SEC23IP: variants seen among roughly 807,000 people sequenced by gnomAD.
SEC23IP encodes the protein SEC23 interacting protein.
Under a neutral mutation model 113.4 loss-of-function variants are expected in SEC23IP, and 70 were observed. That is an observed-to-expected ratio of 0.62 (90% CI 0.51 to 0.75). The LOEUF is 0.75. SEC23IP is among the 30% of genes least tolerant of loss of function. The pLI is 0.00. For synonymous variants in SEC23IP, 398 were observed against 421.0 expected, an observed-to-expected ratio of 0.95 and a Z score of 0.67; for missense variants, 1,160 against 1,204.9, an observed-to-expected ratio of 0.96 and a Z score of 0.55.
intron 2 of SEC23IP, among the ~76,000 whole-genome samples, chr10:119,901,852 A>C (rs61870592): frequency 0.11 from 16,315 of 151,894 alleles, 927 homozygotes; most frequent in South Asian, 0.17. Flanking sequence ...ACGCCCAGCT[A>C]ATTTTTGTAT....
At chr10:119,933,837 A>C in intron 18 of SEC23IP, 50 bp downstream of exon 18, 2 of 959,332 alleles carry the variant, frequency 2.1e-6, no homozygotes, top group Non-Finnish European at 3.3e-6. Flanking sequence ...TGCATTCTCA[A>C]ATCTGTTGTA....
In SEC23IP at chr10:119,894,889, AGTCT is replaced by A. The variant is rs1180303290; in HGVS notation, c.163+1947_163+1950del. 1.4e-4 allele frequency among the ~76,000 whole-genome samples: 18 copies of A among 126,148 alleles called. No individual in the cohort carries two copies. The South Asian group carries it at 4.6e-3, about 32-fold the overall frequency. 82.8% of individuals were successfully genotyped at this position (126,148 alleles called of 152,430 possible). On this transcript the variant is annotated intron_variant, in intron 1 of 18. Transcript: ENST00000369075. ...TTTAATGCTTTTGTTTCTTGGAGACAGTCTGTGTGTGTGTGTGTGTGTGTGTGTG... is the reference window on the plus strand; with the variant it reads ...TTTAATGCTTTTGTTTCTTGGAGACAGTGTGTGTGTGTGTGTGTGTGTGTG...
At position 119,904,144 on chromosome 10, in the gene SEC23IP, T is replaced by C; in HGVS notation, c.968T>C (p.Leu323Pro). ...GATGGAGGGCGCTACGATGTTTACCTCTATGACCGAATAAGGAAGGCTGCC... is the reference window on the plus strand; with the variant it reads ...GATGGAGGGCGCTACGATGTTTACCCCTATGACCGAATAAGGAAGGCTGCC... ...GTDGGRYDVY[L>P]YDRIRKAAYW... Residue 323 changes from leucine to proline, a missense_variant, in exon 4 of 19, where the codon CTC becomes CCC. Transcript: ENST00000369075. The C allele has an allele frequency of 6.2e-7, 1 of 1,614,240 alleles. No individual in the cohort carries two copies.
intron 15 of SEC23IP, 61 bp downstream of exon 15, chr10:119,930,492 G>C (rs1291135610): frequency 2.0e-6 from 2 of 984,498 alleles, no homozygotes; most frequent in Non-Finnish European, 1.6e-6. Flanking sequence ...AATGAATTAT[G>C]AAAATTTTGA....
chr10:119,930,376 G>A lies in SEC23IP; in HGVS notation c.2517G>A (p.Leu839=). The A allele has an allele frequency of 6.2e-7, 1 of 1,611,632 alleles. No homozygotes were observed. Among genetic ancestry groups the A allele is most frequent in the Non-Finnish European group, 8.5e-7 (1 of 1,178,286 alleles). The change falls in exon 15 of 19, where the codon TTG becomes TTA. Residue 839 remains leucine (L), a synonymous_variant. Coordinates refer to ENST00000369075, the MANE Select transcript of SEC23IP (RefSeq NM_007190.4). ...YRLEPMIVPD[L]DLKAVLIPHH... ...TAGAACCTATGATTGTTCCAGATTT[G>A]GACCTAAAAGCTGTTCTCATTCCAC...
rs764413416 is a variant in SEC23IP, at chr10:119,898,889, C to T, written c.626C>T (p.Pro209Leu). 1 of 1,606,300 alleles carries T rather than the reference C, an allele frequency of 6.2e-7. No homozygotes were observed. The highest frequency in any genetic ancestry group is 8.5e-7 in the Non-Finnish European group (1 of 1,179,942). ...PQLQQCQTPG[P>L]PAHPPPSGPP... is the part of the protein sequence containing the mutation. ...CTGCAGCAGTGCCAAACACCAGGCC[C>T]TCCTGCTCATCCTCCACCTTCTGGA... Residue 209 changes from proline to leucine, a missense_variant, in exon 2 of 19, where the codon CCT becomes CTT. By Grantham distance (98) the Pro-to-Leu change is moderately conservative. Coordinates refer to ENST00000369075, the MANE Select transcript of SEC23IP (RefSeq NM_007190.4).
At chr10:119,909,932 C>T (rs1297930065) in intron 5 of SEC23IP, among the ~76,000 whole-genome samples, 1 of 152,126 alleles carries the variant, frequency 6.6e-6, no homozygotes, top group African/African-American at 2.4e-5. Context: ...CTGTTTATGG[C>T]AACATGATAA....
At chr10:119,894,166 T>C (rs530817438) in intron 1 of SEC23IP, among the ~76,000 whole-genome samples, 3 of 152,336 alleles carry the variant, frequency 2.0e-5, no homozygotes, top group African/African-American at 7.2e-5. Context: ...TGTGATTTAA[T>C]GTTTGTGAAA....
At chr10:119,906,558 A>C (rs1055237007) in intron 4 of SEC23IP, among the ~76,000 whole-genome samples, 1 of 152,012 alleles carries the variant, frequency 6.6e-6, no homozygotes, top group African/African-American at 2.4e-5. Context: ...ATTGAAAGGG[A>C]ATATGAAGAA....
rs755634752 is a variant in SEC23IP at position 119,930,321 on chromosome 10, A to G, written c.2470-8A>G. On this transcript the variant is annotated splice_polypyrimidine_tract_variant and splice_region_variant and intron_variant, in intron 14 of 18. Transcript: ENST00000369075. ...CTTTTATTTATTCATAAATTCTTCT[A>G]TTTATAGCTTGATCCAGTGGCATAT... 2.5e-5 allele frequency: 38 copies of G among 1,526,908 alleles called. No homozygotes were observed. Among genetic ancestry groups the G allele is most frequent in the Non-Finnish European group, 2.8e-5 (31 of 1,119,706 alleles). 94.6% of individuals were successfully genotyped at this position (1,526,908 alleles called of 1,614,324 possible).
In SEC23IP at chr10:119,898,866, G is replaced by A; in HGVS notation, c.603G>A (p.Leu201=). ...ATCCTTACATTGCACCACCCCAGCT[G>A]CAGCAGTGCCAAACACCAGGCCCTC... ...RANPYIAPPQ[L]QQCQTPGPPA... Residue 201 remains leucine (L), a synonymous_variant, in exon 2 of 19, where the codon CTG becomes CTA. Transcript: ENST00000369075. 6.2e-7 allele frequency: 1 copy of A among 1,610,140 alleles called. No homozygotes were observed.
At chr10:119,900,099 G>A (rs1444961661) in intron 2 of SEC23IP, among the ~76,000 whole-genome samples, 1 of 151,236 alleles carries the variant, frequency 6.6e-6, no homozygotes, top group Non-Finnish European at 1.5e-5. Context: ...AATATTTGAA[G>A]GTCAGTAAAA....
chr10:119,893,372 T>G (rs1854160876), intron 1 of SEC23IP, among the ~76,000 whole-genome samples: 1 of 152,120 alleles, frequency 6.6e-6, no homozygotes, highest in South Asian at 2.1e-4. Flanking sequence ...TAGGATACGG[T>G]ACACTGTCTC....
chr10:119,926,036 A>G lies in SEC23IP; in HGVS notation c.2122A>G (p.Lys708Glu). Reference protein sequence around the residue: ...NFVEHKAAKLKKAASEKKAVA... With the variant: ...NFVEHKAAKLEKAASEKKAVA... ...GTTACTAAATTTTGGTATTTTACAG[A>G]AAAAAGCAGCGTCAGAAAAGAAGGC... Residue 708 changes from lysine (K) to glutamate (E), a missense_variant and splice_region_variant, in exon 13 of 19, where the codon AAA becomes GAA. Transcript: ENST00000369075. The G allele has an allele frequency of 1.9e-6, 3 of 1,607,188 alleles. No individual in the cohort carries two copies. The South Asian group carries it at 3.3e-5, about 18-fold the overall frequency.
At chr10:119,908,740 A>T (rs891112967) in intron 4 of SEC23IP, among the ~76,000 whole-genome samples, 1 of 151,824 alleles carries the variant, frequency 6.6e-6, no homozygotes, top group Non-Finnish European at 1.5e-5. Context: ...GGGATGATAC[A>T]TTTTTTTTCT....
chr10:119,893,503 G>C (rs925312983), intron 1 of SEC23IP, among the ~76,000 whole-genome samples: 1 of 148,108 alleles, frequency 6.8e-6, no homozygotes, highest in African/African-American at 2.5e-5. Flanking sequence ...CATATACAAT[G>C]CATTCCTTAT....
rs1207386160 is a variant in SEC23IP, at chr10:119,904,124, A to T, written c.948A>T (p.Gly316=). 1 of 1,614,144 alleles carries T rather than the reference A, an allele frequency of 6.2e-7. No individual in the cohort carries two copies. The highest frequency in any genetic ancestry group is 1.7e-5 in the Admixed American group (1 of 60,012). ...AGAGCGTGGTTCTTGGCACGGATGG[A>T]GGGCGCTACGATGTTTACCTCTATG... is the stretch of plus-strand genomic sequence containing the variant. The part of the protein sequence containing the change: ...DPESVVLGTD[G]GRYDVYLYDR... Residue 316 remains glycine (G), a synonymous_variant, in exon 4 of 19, where the codon GGA becomes GGT. Coordinates refer to ENST00000369075, the MANE Select transcript of SEC23IP (RefSeq NM_007190.4).
chr10:119,932,661 AAACTGTTGTTT>A (rs1293514382), intron 16 of SEC23IP, among the ~76,000 whole-genome samples: 1 of 152,222 alleles, frequency 6.6e-6, no homozygotes, highest in African/African-American at 2.4e-5. Flanking sequence ...TTTCTTCCTG[AAACTGTTGTTT>A]AACTATGTTA....
In SEC23IP at chr10:119,918,413, A is replaced by G. The variant is rs781187156; in HGVS notation, c.1774A>G (p.Ile592Val). 1 of 1,607,470 alleles carries G rather than the reference A, an allele frequency of 6.2e-7. No individual in the cohort carries two copies. Among genetic ancestry groups the G allele is most frequent in the South Asian group, 1.1e-5 (1 of 90,942 alleles). ...HSLGSLILFD[I>V]LSNQKDLNLS... ...CATAGGTTCTTTAATATTGTTTGACATCCTGTCTAATCAAAAAGATTTGAA... is the reference window on the plus strand; with the variant it reads ...CATAGGTTCTTTAATATTGTTTGACGTCCTGTCTAATCAAAAAGATTTGAA... Residue 592 changes from isoleucine to valine, a missense_variant, in exon 10 of 19, where the codon ATC (isoleucine) becomes GTC (valine). Coordinates refer to ENST00000369075, the MANE Select transcript of SEC23IP (RefSeq NM_007190.4).
Sources: gnomAD v4.1 joint callset for allele counts (sites outside exome capture counted in the v4.1 genomes callset) on GRCh38, gnomAD v4.1.1 for gene constraint, MANE v1.5 for transcripts, NCBI Gene and HGNC (gene_info 2026-07-23, HGNC 2026-07-21) for gene names.